Variants in DAO observed in about 807,000 individuals in gnomAD.
The protein encoded by DAO is D-amino-acid oxidase.
In DAO, 51 loss-of-function variants were observed where a neutral mutation model predicts 50.1. The ratio of observed to expected loss-of-function variants is 1.02; its 90% CI spans 0.81 to 1.29. DAO has a LOEUF of 1.29. DAO is among the 50% of genes most tolerant of loss of function. The pLI, the probability that DAO is intolerant of heterozygous loss-of-function variation, is 0.00. For missense variants in DAO, 436 were observed against 439.4 expected (o/e 0.99, Z 0.07); for synonymous variants, 160 against 166.2 (o/e 0.96, Z 0.29).
Position 108,894,303 on chromosome 12 carries a change from G to C in DAO, c.548G>C (p.Gly183Ala). Residue 183 changes from glycine (G) to alanine (A), a missense_variant, in exon 7 of 11, where the codon GGG (glycine) becomes GCG (alanine). By Grantham distance (60) the Gly-to-Ala change is moderately conservative. Transcript: ENST00000228476. ...EGADVIVNCT[G>A]VWAGALQRDP... ...GCAGACGTGATTGTCAACTGCACTG[G>C]GGTATGGGCTGGGGCGCTACAACGA... 6.2e-7 allele frequency: 1 copy of C among 1,614,016 alleles called. No individual in the cohort carries two copies.
intron 6 of DAO, among the ~76,000 whole-genome samples, chr12:108,893,546 G>A (rs544909195): frequency 6.6e-6 from 1 of 152,276 alleles, no homozygotes; most frequent in Non-Finnish European, 1.5e-5. Flanking sequence ...CAAGGAAGGC[G>A]CTCCGTACAT....
At position 108,896,973 on chromosome 12, in the gene DAO, C is replaced by T. The variant is rs564259455; in HGVS notation, c.613-33C>T. 22 of 1,554,854 alleles carry T rather than the reference C, an allele frequency of 1.4e-5. No homozygotes were observed. The African/African-American group carries it at 1.6e-4, about 11-fold the overall frequency. On this transcript the variant is annotated intron_variant, in intron 7 of 10. Coordinates refer to ENST00000228476, the MANE Select transcript of DAO (RefSeq NM_001917.5). ...AAGGGCAGCCACATTGACTCACCTC[C>T]GCTGATGAGACTTTCCTGCCCTGAA...
rs563868242 is a variant in DAO at position 108,900,496 on chromosome 12, A to C, written c.1005A>C (p.Glu335Asp). Reference protein sequence around the residue: ...EAAKLFGRILEEKKLSRMPPS... With the variant: ...EAAKLFGRILDEKKLSRMPPS... Reference sequence around the variant, plus strand: ...CCAAGCTCTTTGGGAGAATCCTGGAAGAAAAGAAATTGTCCAGAATGCCAC... The same window carrying C: ...CCAAGCTCTTTGGGAGAATCCTGGACGAAAAGAAATTGTCCAGAATGCCAC... Residue 335 changes from glutamate to aspartate, a missense_variant, in exon 11 of 11, where the codon GAA becomes GAC. Physicochemically the swap from Glu to Asp is conservative, Grantham distance 45 (BLOSUM62 2). Coordinates refer to ENST00000228476, the MANE Select transcript of DAO (RefSeq NM_001917.5). The C allele has an allele frequency of 1.2e-6, 2 of 1,614,060 alleles. No individual in the cohort carries two copies. Among genetic ancestry groups the C allele is most frequent in the African/African-American group, 2.7e-5 (2 of 74,934 alleles).
chr12:108,895,152 A>G lies in DAO; in HGVS notation c.612+785A>G, dbSNP rs549857285. Among the ~76,000 whole-genome samples, 5 of 148,226 alleles carry G rather than the reference A, an allele frequency of 3.4e-5. No homozygotes were observed. The South Asian group carries it at 1.0e-3, about 31-fold the overall frequency. On this transcript the variant is annotated intron_variant, in intron 7 of 10. Coordinates refer to ENST00000228476, the MANE Select transcript of DAO (RefSeq NM_001917.5). ...GGCACAAGTTCACACGGTAGTACGCAGTGCAATTGGGATTGGAATCCAGGC... is the reference window on the plus strand; with the variant it reads ...GGCACAAGTTCACACGGTAGTACGCGGTGCAATTGGGATTGGAATCCAGGC...
rs548196106 is a variant in DAO at position 108,890,882 on chromosome 12, G to A, written c.452+609G>A. ...CACCCAGGCTGGAGTGCAGTGGTGC[G>A]ATCTTGGCTCACTGCAAGCTCTGCC... On this transcript the variant is annotated intron_variant, in intron 5 of 10. Transcript: ENST00000228476. 7.4e-4 allele frequency among the ~76,000 whole-genome samples: 113 copies of A among 152,238 alleles called. 1 individual carries two copies. The highest frequency in any genetic ancestry group is 3.7e-3 in the South Asian group (18 of 4,818).
intron 1 of DAO, among the ~76,000 whole-genome samples, chr12:108,881,601 ATTTTT>A (rs34780883): frequency 1.0e-4 from 10 of 99,206 alleles, no homozygotes; most frequent in Admixed American, 4.5e-4. Flanking sequence ...TTCCTTTTAA[ATTTTT>A]TTTTTTTTTT....
chr12:108,882,176 T>C (rs1200428979), intron 1 of DAO, among the ~76,000 whole-genome samples: 3 of 152,098 alleles, frequency 2.0e-5, no homozygotes, highest in Non-Finnish European at 2.9e-5. Flanking sequence ...GATATTCCAG[T>C]GAGGAGACAA....
Position 108,885,159 on chromosome 12 carries a change from C to G in DAO, c.153C>G (p.Leu51=). ...CCACCACCGACGTGGCTGCCGGCCT[C>G]TGGCAGCCCTACCTTTCTGACCCCA... ...PLTTTDVAAG[L]WQPYLSDPNN... Residue 51 remains leucine (L), a synonymous_variant, in exon 2 of 11, where the codon CTC becomes CTG. Coordinates refer to ENST00000228476, the MANE Select transcript of DAO (RefSeq NM_001917.5). 6.2e-7 allele frequency: 1 copy of G among 1,612,414 alleles called. No individual in the cohort carries two copies. Among genetic ancestry groups the G allele is most frequent in the Non-Finnish European group, 8.5e-7 (1 of 1,179,506 alleles).
rs1413872154 is a variant in DAO, at chr12:108,890,208, C to T, written c.387C>T (p.Gly129=). The part of the protein sequence containing the change: ...PRELDMFPDY[G]YGWFHTSLIL... The stretch of plus-strand genomic sequence containing the variant: ...CACCTTTTGCTTACTGTGACTCTAG[C>T]TATGGCTGGTTCCACACAAGCCTAA... The change falls in exon 5 of 11, where the codon GGC becomes GGT. Residue 129 remains glycine, a splice_region_variant and synonymous_variant. Coordinates refer to ENST00000228476, the MANE Select transcript of DAO (RefSeq NM_001917.5). The T allele has an allele frequency of 1.2e-6, 2 of 1,611,768 alleles. No homozygotes were observed. The highest frequency in any genetic ancestry group is 2.2e-5 in the South Asian group (2 of 91,026).
In DAO at chr12:108,887,582, G is replaced by T; in HGVS notation, c.309+18G>T. On this transcript the variant is annotated intron_variant, in intron 3 of 10. Transcript: ENST00000228476. Reference sequence around the variant, plus strand: ...CCATTCCGGTGGGTGAACAGTTCTTGACCATGAGGGATGAGCACCCAGGGC... The same window carrying T: ...CCATTCCGGTGGGTGAACAGTTCTTTACCATGAGGGATGAGCACCCAGGGC... 6.4e-7 allele frequency: 1 copy of T among 1,571,458 alleles called. No individual in the cohort carries two copies. The highest frequency in any genetic ancestry group is 1.1e-5 in the South Asian group (1 of 90,168).
chr12:108,880,336 C>A (rs924190176), intron 1 of DAO, 112 bp downstream of exon 1: 4 of 346,440 alleles, frequency 1.2e-5, no homozygotes. Flanking sequence ...CAGCCTAAGG[C>A]AGGTGACAGG....
intron 1 of DAO, among the ~76,000 whole-genome samples, chr12:108,884,242 T>C (rs985281360): frequency 2.6e-5 from 4 of 152,242 alleles, no homozygotes; most frequent in Non-Finnish European, 5.9e-5. Flanking sequence ...AGGTGTGCAT[T>C]AAGCGTGTGT....
At chr12:108,900,338 A>C (rs2039608119) in intron 10 of DAO, 66 bp from the exon 11 acceptor site, 108 of 1,586,934 alleles carry the variant, frequency 6.8e-5, no homozygotes, top group Non-Finnish European at 8.6e-5. Context: ...CCAGGGCAGA[A>C]GAGCTTCATC....
chr12:108,887,442 C>A lies in DAO; in HGVS notation c.195-8C>A. ...ATTGGGTGATCGAACTCTTCATGAC[C>A]CTTCCAGGGACTGGAGCCAACAGAC... On this transcript the variant is annotated splice_polypyrimidine_tract_variant and splice_region_variant and intron_variant, in intron 2 of 10. Coordinates refer to ENST00000228476, the MANE Select transcript of DAO (RefSeq NM_001917.5). 2 of 1,608,046 alleles carry A rather than the reference C, an allele frequency of 1.2e-6. No individual in the cohort carries two copies. Among genetic ancestry groups the A allele is most frequent in the Non-Finnish European group, 1.7e-6 (2 of 1,174,602 alleles).
At chr12:108,894,051 A>T (rs545283102) in intron 6 of DAO, among the ~76,000 whole-genome samples, 2 of 152,270 alleles carry the variant, frequency 1.3e-5, no homozygotes, top group East Asian at 3.9e-4. Context: ...GCTGAGAATT[A>T]AGGAGGTAAC....
At chr12:108,891,150 T>G (rs1199635096) in intron 5 of DAO, among the ~76,000 whole-genome samples, 1 of 152,030 alleles carries the variant, frequency 6.6e-6, no homozygotes, top group Non-Finnish European at 1.5e-5. Context: ...TATATTACTG[T>G]TTTTTAAAGA....
Position 108,900,522 on chromosome 12 carries a change from C to T in DAO, c.1031C>T (p.Pro344Leu), listed in dbSNP as rs925424619. The change falls in exon 11 of 11, where the codon CCA becomes CTA. Residue 344 changes from proline (P) to leucine (L), a missense_variant. Physicochemically the swap from Pro to Leu is moderately conservative, Grantham distance 98 (BLOSUM62 -3). Transcript: ENST00000228476. ...GAAAAGAAATTGTCCAGAATGCCAC[C>T]ATCCCACCTCTGAAGACTCCAGTGA... ...LEEKKLSRMP[P>L]SHL 3 of 1,614,056 alleles carry T rather than the reference C, an allele frequency of 1.9e-6. No individual in the cohort carries two copies. Among genetic ancestry groups the T allele is most frequent in the Non-Finnish European group, 2.5e-6 (3 of 1,179,954 alleles).
Position 108,890,369 on chromosome 12 carries a change from C to A in DAO, c.452+96C>A, listed in dbSNP as rs868322904. On this transcript the variant is annotated intron_variant, in intron 5 of 10. Coordinates refer to ENST00000228476, the MANE Select transcript of DAO (RefSeq NM_001917.5). ...GGCTTCCCTCAGCATGGACTAACCC[C>A]CAGGTTTGAAGAATACCCTTAGGCC... 8.3e-6 allele frequency: 8 copies of A among 966,656 alleles called. No individual in the cohort carries two copies. In the Middle Eastern group the frequency reaches 6.4e-4, roughly 78 times the overall value. The allele number at this position is 966,656 out of a possible 1,614,324, so 59.9% of individuals were successfully genotyped here.
chr12:108,884,429 AG>A (rs2039412051), intron 1 of DAO, among the ~76,000 whole-genome samples: 1 of 152,222 alleles, frequency 6.6e-6, no homozygotes, highest in Non-Finnish European at 1.5e-5. Flanking sequence ...ATGCTTGTGA[AG>A]CACTTAGTGC....
Sources: gnomAD v4.1 joint callset for allele counts (sites outside exome capture counted in the v4.1 genomes callset) on GRCh38, gnomAD v4.1.1 for gene constraint, MANE v1.5 for transcripts, NCBI Gene and HGNC (gene_info 2026-07-23, HGNC 2026-07-21) for gene names.